The following EVC2 variants were observed in gnomAD, a reference collection of about 807,000 sequenced individuals.
The protein encoded by EVC2 is EvC ciliary complex subunit 2.
A neutral mutation model predicts 149.3 loss-of-function variants in EVC2; 148 were observed. That is an observed-to-expected ratio of 0.99 (90% CI 0.87 to 1.14). EVC2 has a LOEUF of 1.14. Among genes scored for constraint, EVC2 ranks in the 50% most tolerant of loss-of-function variants. The pLI is 0.00. For synonymous variants in EVC2, 776 were observed against 649.9 expected (o/e 1.19, Z -2.95); for missense variants, 1,854 against 1,627.3 (o/e 1.14, Z -2.40).
At chr4:5,554,204 C>T (rs1721792745) in intron 21 of EVC2, among the ~76,000 whole-genome samples, 1 of 152,150 alleles carries the variant, frequency 6.6e-6, no homozygotes, top group Admixed American at 6.5e-5. Context: ...CATCCGAGAA[C>T]TGAGACCACA....
chr4:5,640,953 C>T lies in EVC2; in HGVS notation c.1146-115G>A, dbSNP rs761358674. 8.5e-7 allele frequency: 1 copy of T among 1,173,466 alleles called. No individual in the cohort carries two copies. Among genetic ancestry groups the T allele is most frequent in the Non-Finnish European group, 1.2e-6 (1 of 800,722 alleles). The allele number at this position is 1,173,466 out of a possible 1,614,324, so 72.7% of individuals were successfully genotyped here. Reference sequence around the variant, plus strand: ...TGTAGGCAAGGGCTTTCTTCGTCTTCCTTTTCTTCCTTTCCCCGCTCACTT... The same window carrying T: ...TGTAGGCAAGGGCTTTCTTCGTCTTTCTTTTCTTCCTTTCCCCGCTCACTT... On this transcript the variant is annotated intron_variant, in intron 9 of 21. Transcript: ENST00000344408. This position sits in a 1 kb window ranked among gnomAD's most constrained non-coding sequence, Gnocchi z 4.6.
At chr4:5,626,499 AT>A (rs563957804) in intron 12 of EVC2, among the ~76,000 whole-genome samples, 2 of 151,514 alleles carry the variant, frequency 1.3e-5, no homozygotes, top group South Asian at 2.1e-4. Context: ...ACGCCAGCTA[AT>A]TTTTTTTGTA....
chr4:5,556,056 G>C (rs1207142379), intron 21 of EVC2, among the ~76,000 whole-genome samples: 1 of 151,902 alleles, frequency 6.6e-6, no homozygotes, highest in African/African-American at 2.4e-5. Context: ...GCAGGCATCT[G>C]TAATACCAGC....
chr4:5,708,632 T>TG (rs1301607665), upstream of EVC2: 2 of 677,654 alleles, frequency 3.0e-6, no homozygotes, highest in Non-Finnish European at 4.4e-6. Flanking sequence ...GAAAGTTTTC[T>TG]GGAACAAACA....
chr4:5,665,778 C>A, intron 7 of EVC2, 129 bp from the exon 8 acceptor site: 1 of 1,425,516 alleles, frequency 7.0e-7, no homozygotes, highest in Non-Finnish European at 9.6e-7. Flanking sequence ...GAGTCTCGCT[C>A]TGCCAGCTAC....
intron 16 of EVC2, among the ~76,000 whole-genome samples, chr4:5,585,480 T>C (rs1460461419): frequency 1.3e-5 from 2 of 152,190 alleles, no homozygotes; most frequent in Non-Finnish European, 2.9e-5. Context: ...GTGCCCAGGG[T>C]TTACTTGACC....
intron 16 of EVC2, among the ~76,000 whole-genome samples, chr4:5,612,948 A>ACC (rs533568919): frequency 7.0e-6 from 1 of 143,112 alleles, no homozygotes; most frequent in African/African-American, 2.9e-5. Context: ...AAAAAAAAAA[A>ACC]AGAAATAATT....
chr4:5,599,006 C>G (rs1248387066), intron 16 of EVC2, among the ~76,000 whole-genome samples: 1 of 152,018 alleles, frequency 6.6e-6, no homozygotes, highest in African/African-American at 2.4e-5. Flanking sequence ...AAATGCAAAT[C>G]AAAACCAAAA....
chr4:5,539,634 A>T, downstream of EVC2, among the ~76,000 whole-genome samples: 1 of 152,238 alleles, frequency 6.6e-6, no homozygotes, highest in East Asian at 1.9e-4. Context: ...ACACTCACTC[A>T]TATGTATATG....
the EVC2 span, among the ~76,000 whole-genome samples, chr4:5,532,690 T>C: frequency 2.0e-5 from 3 of 152,208 alleles, no homozygotes; most frequent in Admixed American, 6.5e-5. Context: ...GCCTCTGCAC[T>C]GACCGTCTAG....
intron 3 of EVC2, 97 bp from the exon 4 acceptor site, chr4:5,691,430 G>A (rs1721113811): frequency 2.2e-6 from 2 of 926,488 alleles, no homozygotes; most frequent in Non-Finnish European, 3.4e-6. Flanking sequence ...ACAGAGGGTA[G>A]AAAGATTACT....
intron 9 of EVC2, among the ~76,000 whole-genome samples, chr4:5,647,055 CCTGCAA>C (rs1717774278): frequency 6.6e-6 from 1 of 152,184 alleles, no homozygotes. Context: ...CAGAAAGACT[CCTGCAA>C]CTGCTTGATA....
At chr4:5,675,772 C>G (rs547429395) in intron 7 of EVC2, among the ~76,000 whole-genome samples, 2 of 152,026 alleles carry the variant, frequency 1.3e-5, no homozygotes, top group African/African-American at 4.8e-5. Flanking sequence ...TGGTGAAACT[C>G]CATCTCTACT....
intron 9 of EVC2, among the ~76,000 whole-genome samples, chr4:5,658,938 CT>C (rs1560203026): frequency 6.6e-6 from 1 of 152,206 alleles, no homozygotes; most frequent in African/African-American, 2.4e-5. Context: ...TTCCTCCCTC[CT>C]CCTGGTCCCA....
At chr4:5,620,072 CG>C (rs1715573458) in intron 14 of EVC2, among the ~76,000 whole-genome samples, 1 of 152,120 alleles carries the variant, frequency 6.6e-6, no homozygotes, top group African/African-American at 2.4e-5. Flanking sequence ...TCAGAGACCA[CG>C]GGGGCCCTCT....
At chr4:5,645,975 G>C (rs978289589) in intron 9 of EVC2, among the ~76,000 whole-genome samples, 2 of 152,222 alleles carry the variant, frequency 1.3e-5, no homozygotes, top group Admixed American at 1.3e-4. Context: ...GCCCAGGCTG[G>C]ATGGAGTGCA....
chr4:5,592,092 A>G (rs1712859604), intron 16 of EVC2, among the ~76,000 whole-genome samples: 1 of 152,216 alleles, frequency 6.6e-6, no homozygotes, highest in Non-Finnish European at 1.5e-5. Flanking sequence ...AAATACAACT[A>G]GATGCAAGGG....
downstream of EVC2, among the ~76,000 whole-genome samples, chr4:5,561,187 A>G (rs375349317): frequency 6.6e-6 from 1 of 152,232 alleles, no homozygotes; most frequent in East Asian, 1.9e-4. Flanking sequence ...AATGCAGACA[A>G]TTACCTTAAA....
At chr4:5,536,590 T>C in the EVC2 span, among the ~76,000 whole-genome samples, 11,222 of 152,010 alleles carry the variant, frequency 0.074, 1,001 homozygotes, top group African/African-American at 0.21. Context: ...CGAGACCATC[T>C]TGGCTAACAT....
Sources: gnomAD v4.1 joint callset for allele counts (sites outside exome capture counted in the v4.1 genomes callset) on GRCh38, gnomAD v4.1.1 for gene constraint, Gnocchi (gnomAD v3.1) non-coding constraint, MANE v1.5 for transcripts, NCBI Gene and HGNC (gene_info 2026-07-23, HGNC 2026-07-21) for gene names.